Variants in NCOA3 observed in about 807,000 individuals in gnomAD.
NCOA3 encodes CBP-interacting protein.
NCOA3 carries 51 observed loss-of-function variants against 158.8 expected under a neutral mutation model. The ratio of observed to expected loss-of-function variants is 0.32; its 90% confidence interval spans 0.26 to 0.41. The LOEUF (loss-of-function observed/expected upper bound fraction) is 0.41. Ranked by LOEUF, NCOA3 falls within the 10% of genes least tolerant of loss-of-function variation. The pLI is 1.00. For missense variants in NCOA3, 1,510 were observed against 1,746.6 expected (o/e 0.86, Z 2.41); for synonymous variants, 537 against 592.4 (o/e 0.91, Z 1.36).
rs145292442 is a variant in NCOA3, at chr20:47,623,933, C to T, written c.106C>T (p.Arg36Trp). The part of the protein sequence containing the change: ...GQGLTCSGEK[R>W]RREQESKYIE... ...TAGTCTTACCTGCAGTGGTGAAAAA[C>T]GGAGACGGGAGCAGGAAAGTAAATA... The change falls in exon 4 of 23, where the codon CGG (arginine) becomes TGG (tryptophan). Residue 36 changes from arginine to tryptophan, a missense_variant. Coordinates refer to ENST00000371998, the MANE Select transcript of NCOA3 (RefSeq NM_181659.3). The T allele has an allele frequency of 5.4e-5, 87 of 1,612,948 alleles. No individual in the cohort carries two copies. Among genetic ancestry groups the T allele is most frequent in the Admixed American group, 1.2e-4 (7 of 59,768 alleles).
intron 2 of NCOA3, among the ~76,000 whole-genome samples, chr20:47,597,049 T>C (rs985233903): frequency 6.6e-6 from 1 of 152,238 alleles, no homozygotes; most frequent in Non-Finnish European, 1.5e-5. Flanking sequence ...AAGCATAATA[T>C]ACATACAAAA....
chr20:47,627,784 A>G, intron 7 of NCOA3, 35 bp downstream of exon 7: 1 of 1,599,962 alleles, frequency 6.3e-7, no homozygotes, highest in Non-Finnish European at 8.5e-7. Flanking sequence ...TGTTCATGAA[A>G]CAAATAGTGG....
chr20:47,589,397 A>G (rs746450098), intron 2 of NCOA3, among the ~76,000 whole-genome samples: 11 of 151,732 alleles, frequency 7.2e-5, no homozygotes, highest in Middle Eastern at 6.8e-3. Context: ...TTTTTTTGAG[A>G]TAGAGTCTCG....
intron 1 of NCOA3, among the ~76,000 whole-genome samples, chr20:47,553,857 A>G (rs542793738): frequency 8.5e-5 from 13 of 152,100 alleles, no homozygotes; most frequent in Non-Finnish European, 1.5e-4. Context: ...CGCAATAAAC[A>G]TATGTGTGCA....
intron 1 of NCOA3, among the ~76,000 whole-genome samples, chr20:47,523,049 GGTGGCCTACACCTGT>G (rs1004731524): frequency 1.3e-5 from 2 of 152,046 alleles, no homozygotes; most frequent in African/African-American, 4.8e-5. Flanking sequence ...AGCCAGGCGT[GGTGGCCTACACCTGT>G]AGTCCCAGCT....
chr20:47,581,859 T>G (rs72662725), intron 1 of NCOA3, among the ~76,000 whole-genome samples: 3,665 of 152,316 alleles, frequency 0.024, 178 homozygotes, highest in African/African-American at 0.084. Context: ...GCTAATATTT[T>G]GTTTTGGTGG....
At chr20:47,518,449 C>T (rs1169658986) in intron 1 of NCOA3, among the ~76,000 whole-genome samples, 4 of 123,278 alleles carry the variant, frequency 3.2e-5, no homozygotes, top group South Asian at 2.6e-4. Context: ...GACAGAGTTT[C>T]GCTCTTGTTG....
At chr20:47,532,464 A>T (rs966036610) in intron 1 of NCOA3, among the ~76,000 whole-genome samples, 1 of 152,050 alleles carries the variant, frequency 6.6e-6, no homozygotes, top group African/African-American at 2.4e-5. Flanking sequence ...AAAAAAATTC[A>T]TTTTTTAAAA....
chr20:47,582,979 G>C (rs2085478351), intron 1 of NCOA3, among the ~76,000 whole-genome samples: 1 of 152,096 alleles, frequency 6.6e-6, no homozygotes, highest in Admixed American at 6.6e-5. Flanking sequence ...ATTTTTAGTA[G>C]AGTTGGGGTT....
At chr20:47,522,606 C>G (rs1047073097) in intron 1 of NCOA3, among the ~76,000 whole-genome samples, 6 of 151,922 alleles carry the variant, frequency 3.9e-5, no homozygotes, top group African/African-American at 1.5e-4. Context: ...GCATAGGGCT[C>G]GGGATTGGTT....
chr20:47,638,897 G>A (rs2086560309), intron 13 of NCOA3, 111 bp from the exon 14 acceptor site: 1 of 900,814 alleles, frequency 1.1e-6, no homozygotes, highest in Non-Finnish European at 1.6e-6. Context: ...GACAGTGTTT[G>A]TTTTTGTAAG....
At chr20:47,586,373 C>G (rs1203124084) in intron 2 of NCOA3, among the ~76,000 whole-genome samples, 1 of 151,948 alleles carries the variant, frequency 6.6e-6, no homozygotes, top group Admixed American at 6.6e-5. Context: ...CTTTTTCTAC[C>G]CACGTAAACA....
intron 1 of NCOA3, among the ~76,000 whole-genome samples, chr20:47,565,044 C>G (rs978264942): frequency 6.6e-6 from 1 of 152,132 alleles, no homozygotes; most frequent in African/African-American, 2.4e-5. Context: ...TGCAGTGGCA[C>G]GATCTCGACT....
At chr20:47,640,820 G>A (rs2086592892) in intron 16 of NCOA3, among the ~76,000 whole-genome samples, 1 of 151,774 alleles carries the variant, frequency 6.6e-6, no homozygotes, top group South Asian at 2.1e-4. Context: ...CCCGGGTGGC[G>A]GAGCTTGCAG....
rs768342979 is a variant in NCOA3, at chr20:47,594,788, ATTTTTTT to A, written c.-20+11542_-20+11548del. ...AAGGCTGAGGTGGGCAGAATACCTG[ATTTTTTT>A]TTTTTTTTTTTTTTGGAGACAGTTT... On this transcript the variant is annotated intron_variant, in intron 2 of 22. Coordinates refer to ENST00000371998, the MANE Select transcript of NCOA3 (RefSeq NM_181659.3). Among the ~76,000 whole-genome samples, 18 of 102,440 alleles carry A rather than the reference ATTTTTTT, an allele frequency of 1.8e-4. 1 individual carries two copies. Among genetic ancestry groups the A allele is most frequent in the African/African-American group, 4.5e-4 (12 of 26,472 alleles). The allele number at this position is 102,440 out of a possible 152,430, so 67.2% of individuals were successfully genotyped here.
chr20:47,594,959 T>A (rs2146247725), intron 2 of NCOA3, among the ~76,000 whole-genome samples: 1 of 150,860 alleles, frequency 6.6e-6, no homozygotes, highest in East Asian at 2.0e-4. Context: ...GACTGGCTAA[T>A]TTTTGTATTT....
At chr20:47,607,414 C>G (rs1307960360) in intron 2 of NCOA3, among the ~76,000 whole-genome samples, 4 of 152,184 alleles carry the variant, frequency 2.6e-5, no homozygotes, top group Non-Finnish European at 5.9e-5. Flanking sequence ...ATCTGTATAA[C>G]AAGCCTTACT....
chr20:47,514,588 T>G (rs1366012951), intron 1 of NCOA3, among the ~76,000 whole-genome samples: 1 of 152,094 alleles, frequency 6.6e-6, no homozygotes, highest in East Asian at 1.9e-4. Flanking sequence ...AGATTGGGTT[T>G]CACCATGTTG....
intron 1 of NCOA3, among the ~76,000 whole-genome samples, chr20:47,580,704 CAG>C (rs1052896908): frequency 6.6e-5 from 10 of 152,114 alleles, no homozygotes; most frequent in African/African-American, 2.4e-4. Context: ...TGATTTAAAA[CAG>C]GGCCAGAAGA....
Sources: gnomAD v4.1 joint callset for allele counts (sites outside exome capture counted in the v4.1 genomes callset) on GRCh38, gnomAD v4.1.1 for gene constraint, MANE v1.5 for transcripts, NCBI Gene and HGNC (gene_info 2026-07-23, HGNC 2026-07-21) for gene names.